IL13RA1: variants seen among roughly 807,000 people sequenced by gnomAD.
IL13RA1 encodes interleukin-13 receptor subunit alpha-1.
In IL13RA1, 14 loss-of-function variants were observed where a neutral mutation model predicts 33.8. That is an observed-to-expected ratio of 0.41 (90% CI 0.27 to 0.65). The LOEUF is 0.65. Ranked by LOEUF, IL13RA1 falls within the 30% of genes least tolerant of loss-of-function variation. IL13RA1 has a pLI of 0.28. For synonymous variants in IL13RA1, 116 were observed against 115.7 expected, an observed-to-expected ratio of 1.00 and a Z score of -0.02; for missense variants, 313 against 327.0, an observed-to-expected ratio of 0.96 and a Z score of 0.33.
intron 3 of IL13RA1, among the ~76,000 whole-genome samples, chrX:118,748,373 A>C (rs922583421): frequency 9.4e-6 from 1 of 106,127 alleles, no homozygotes; most frequent in African/African-American, 3.4e-5. Flanking sequence ...AAAAAAAAAA[A>C]AAAAAAACGG....
chrX:118,732,548 C>T (rs1297960710), intron 1 of IL13RA1, among the ~76,000 whole-genome samples: 1 of 109,045 alleles, frequency 9.2e-6, no homozygotes, highest in Non-Finnish European at 1.9e-5. Context: ...TGCTATCCCT[C>T]CCCCATCCCC....
intron 4 of IL13RA1, among the ~76,000 whole-genome samples, chrX:118,751,141 T>C (rs1190647679): frequency 1.8e-5 from 2 of 112,088 alleles, no homozygotes; most frequent in African/African-American, 6.5e-5. Context: ...AAAACAACTT[T>C]GATATTTTGA....
intron 10 of IL13RA1, among the ~76,000 whole-genome samples, chrX:118,780,350 G>A (rs972801614): frequency 2.7e-5 from 3 of 112,597 alleles, no homozygotes; most frequent in African/African-American, 9.7e-5. Flanking sequence ...TTCAAAACTC[G>A]AGATTCTCAC....
chrX:118,779,363 A>G (rs2017817840), intron 10 of IL13RA1, among the ~76,000 whole-genome samples: 1 of 111,962 alleles, frequency 8.9e-6, no homozygotes, highest in Non-Finnish European at 1.9e-5. Flanking sequence ...AAACATAACA[A>G]TTGAGAATTA....
At chrX:118,776,542 T>TTG (rs1556370917) in intron 10 of IL13RA1, 31 bp downstream of exon 10, 2 of 187,276 alleles carry the variant, frequency 1.1e-5, no homozygotes, top group African/African-American at 5.8e-4. Flanking sequence ...GCTTGAAATG[T>TTG]TTTTTTTTTT....
intron 3 of IL13RA1, among the ~76,000 whole-genome samples, chrX:118,748,360 C>CGG (rs1556363017): frequency 1.9e-5 from 1 of 52,218 alleles, no homozygotes; most frequent in Non-Finnish European, 3.2e-5. Flanking sequence ...TAGGAGTTAA[C>CGG]GAAAAAAAAA....
At position 118,793,837 on chromosome X, in the gene IL13RA1, G is replaced by T. The variant is rs1224720950; in HGVS notation, c.*1983G>T. On this transcript the variant is annotated 3_prime_UTR_variant, in exon 11 of 11. Transcript: ENST00000371666. ...TGCCCTGGCTTCTCTGAGGAAGCTG[G>T]GGTTCATGACAATGGCAGATGTAAA... 1 of 111,888 alleles carries T rather than the reference G, an allele frequency of 8.9e-6. No individual in the cohort carries two copies. Among genetic ancestry groups the T allele is most frequent in the African/African-American group, 3.2e-5 (1 of 30,772 alleles). 9.2% of individuals were successfully genotyped at this position (111,888 alleles called of 1,213,427 possible).
At chrX:118,795,542 T>G (rs1361451416), downstream of IL13RA1, among the ~76,000 whole-genome samples, 1 of 112,329 alleles carries the variant, frequency 8.9e-6, no homozygotes, top group Non-Finnish European at 1.9e-5. Flanking sequence ...TCTTGTTATT[T>G]TAAAATAAGA....
At chrX:118,782,674 T>G (rs769590006) in intron 10 of IL13RA1, among the ~76,000 whole-genome samples, 59 of 110,299 alleles carry the variant, frequency 5.3e-4, no homozygotes, top group Non-Finnish European at 8.0e-4. Flanking sequence ...CATGGTTCAC[T>G]GCAGCCTCAA....
At chrX:118,780,821 A>C (rs2017835428) in intron 10 of IL13RA1, among the ~76,000 whole-genome samples, 1 of 112,111 alleles carries the variant, frequency 8.9e-6, no homozygotes, top group Non-Finnish European at 1.9e-5. Flanking sequence ...TGTCAGTCAC[A>C]TAGAGAGGCA....
rs1449269194 is a variant in IL13RA1 at position 118,760,042 on chromosome X, A to AC, written c.677-1095dup. On this transcript the variant is annotated intron_variant, in intron 5 of 10. Coordinates refer to ENST00000371666, the MANE Select transcript of IL13RA1 (RefSeq NM_001560.3). ...CCCACCTTGGCTCCCAAAGTATTTT[A>AC]CTCTTAATTGTGGTTATAAACACAC... Among the ~76,000 whole-genome samples the AC allele has an allele frequency of 6.3e-5, 7 of 111,862 alleles. No individual in the cohort carries two copies. The Admixed American group carries it at 6.6e-4, about 11-fold the overall frequency.
chrX:118,770,764 G>T (rs947671941), intron 8 of IL13RA1: 1 of 341,273 alleles, frequency 2.9e-6, no homozygotes, highest in African/African-American at 2.6e-5. Context: ...CTATGTGGTG[G>T]TCAGCTCCCT....
chrX:118,784,137 A>G (rs1229861092), intron 10 of IL13RA1, among the ~76,000 whole-genome samples: 1 of 82,549 alleles, frequency 1.2e-5, no homozygotes, highest in Admixed American at 1.6e-4. Flanking sequence ...ATGTATATAT[A>G]TATATATATA....
At chrX:118,798,316 TC>T (rs917657282), downstream of IL13RA1, among the ~76,000 whole-genome samples, 28 of 91,526 alleles carry the variant, frequency 3.1e-4, no homozygotes, top group African/African-American at 1.2e-3. Context: ...CCATATTGTC[TC>T]CCCTTTATTT....
intron 5 of IL13RA1, among the ~76,000 whole-genome samples, chrX:118,759,181 A>G (rs1340285102): frequency 8.9e-6 from 1 of 111,886 alleles, no homozygotes; most frequent in African/African-American, 3.3e-5. Context: ...GCCTGTTAGA[A>G]AGCACCCTCA....
In IL13RA1 at chrX:118,793,716, A is replaced by G. The variant is rs915685651; in HGVS notation, c.*1862A>G. ...TATTAATACAATGATGCTATTTGCA[A>G]TTCCTGCTCCTAGGGGAGGGGAGAT... On this transcript the variant is annotated 3_prime_UTR_variant, in exon 11 of 11. Transcript: ENST00000371666. 2 of 112,058 alleles carry G rather than the reference A, an allele frequency of 1.8e-5. No homozygotes were observed. Among genetic ancestry groups the G allele is most frequent in the African/African-American group, 6.5e-5 (2 of 30,815 alleles). The allele number at this position is 112,058 out of a possible 1,213,427, so 9.2% of individuals were successfully genotyped here.
At chrX:118,748,064 A>G (rs1603210479) in intron 3 of IL13RA1, among the ~76,000 whole-genome samples, 1 of 102,272 alleles carries the variant, frequency 9.8e-6, no homozygotes, top group African/African-American at 3.5e-5. Flanking sequence ...ATATATATAT[A>G]ACACATATAT....
At chrX:118,770,310 A>G (rs1160625746) in intron 8 of IL13RA1, 1 of 350,965 alleles carries the variant, frequency 2.8e-6, no homozygotes, top group Non-Finnish European at 5.5e-6. Flanking sequence ...CTGTGGCACC[A>G]GTGCTGGCCC....
intron 4 of IL13RA1, among the ~76,000 whole-genome samples, chrX:118,753,574 G>T (rs1200926705): frequency 8.9e-6 from 1 of 112,989 alleles, no homozygotes; most frequent in Non-Finnish European, 1.9e-5. Flanking sequence ...TGCCCAAGCT[G>T]AAGTACAGTT....
Sources: allele counts gnomAD v4.1 joint callset (sites outside exome capture counted in the v4.1 genomes callset), GRCh38; gene constraint gnomAD v4.1.1; transcripts MANE v1.5; gene names NCBI Gene and HGNC (gene_info 2026-07-23, HGNC 2026-07-21).